The following SPTBN1 variants were observed in gnomAD, a reference collection of about 807,000 sequenced individuals.
SPTBN1 encodes the protein spectrin beta chain, non-erythrocytic 1.
In SPTBN1, 32 loss-of-function variants were observed where a neutral mutation model predicts 266.4. The ratio of observed to expected loss-of-function variants is 0.12; its 90% CI spans 0.09 to 0.16. The LOEUF (loss-of-function observed/expected upper bound fraction) is 0.16. Ranked by LOEUF, SPTBN1 falls within the 10% of genes least tolerant of loss-of-function variation. The probability of loss-of-function intolerance (pLI) is 1.00; values close to 1 mark genes in which losing one functional copy is unlikely to be tolerated. For synonymous variants in SPTBN1, 1,336 were observed against 1,162.2 expected (o/e 1.15, Z -3.04); for missense variants, 2,296 against 3,067.1 (o/e 0.75, Z 5.94).
chr2:54,655,037 C>A, intron 27 of SPTBN1, 33 bp from the exon 28 acceptor site: 1 of 1,578,256 alleles, frequency 6.3e-7, no homozygotes, highest in Non-Finnish European at 8.6e-7. Context: ...AAAGCTTGAT[C>A]TCCTAACGGA....
chr2:54,473,503 G>T (rs868079646), intron 1 of SPTBN1, among the ~76,000 whole-genome samples: 109 of 147,926 alleles, frequency 7.4e-4, no homozygotes, highest in African/African-American at 2.0e-3. Flanking sequence ...CTCCAGTTTT[G>T]TTTTTTTTTT....
intron 1 of SPTBN1, among the ~76,000 whole-genome samples, chr2:54,469,270 G>C (rs1208375119): frequency 6.6e-6 from 1 of 152,166 alleles, no homozygotes; most frequent in East Asian, 1.9e-4. Context: ...TATTTCATTG[G>C]AAGATAAAAA....
In SPTBN1 at chr2:54,558,163, C is replaced by A; in HGVS notation, c.148+31597C>A. 1 of 985,364 alleles carries A rather than the reference C, an allele frequency of 1.0e-6. No individual in the cohort carries two copies. The highest frequency in any genetic ancestry group is 1.1e-4 in the East Asian group (1 of 8,812). 61.0% of individuals were successfully genotyped at this position (985,364 alleles called of 1,614,324 possible). On this transcript the variant is annotated intron_variant, in intron 2 of 35. Transcript: ENST00000356805. The surrounding 1 kb of genome is among the most constrained non-coding windows in gnomAD (Gnocchi z 4.6). ...TGGGAAGGCACTACCGCGGCGAGTC[C>A]AGGGCCCGGCCGGGGGTCGGCGGCT...
At chr2:54,568,594 A>G (rs1267930563) in intron 2 of SPTBN1, among the ~76,000 whole-genome samples, 2 of 152,148 alleles carry the variant, frequency 1.3e-5, no homozygotes, top group Non-Finnish European at 2.9e-5. Context: ...ACTAATTCTG[A>G]GCTTTAGAAG....
chr2:54,616,710 C>T (rs1677640050), intron 5 of SPTBN1, among the ~76,000 whole-genome samples: 1 of 152,136 alleles, frequency 6.6e-6, no homozygotes, highest in African/African-American at 2.4e-5. Context: ...GTGTCAGTTT[C>T]CCTTTTATTT....
intron 1 of SPTBN1, among the ~76,000 whole-genome samples, chr2:54,525,432 A>T (rs968250590): frequency 2.6e-5 from 4 of 151,430 alleles, no homozygotes; most frequent in African/African-American, 9.7e-5. Flanking sequence ...TTTAGTAGTG[A>T]TGGGTTGGTC....
chr2:54,576,719 C>T (rs1299703730), intron 2 of SPTBN1, among the ~76,000 whole-genome samples: 1 of 152,188 alleles, frequency 6.6e-6, no homozygotes, highest in Non-Finnish European at 1.5e-5. Flanking sequence ...TCCACCTGTT[C>T]AATCAATATT....
rs1678230119 is a variant in SPTBN1, at chr2:54,624,976, CA to C, written c.1341+15del. The C allele has an allele frequency of 6.4e-7, 1 of 1,570,468 alleles. No individual in the cohort carries two copies. Among genetic ancestry groups the C allele is most frequent in the African/African-American group, 1.4e-5 (1 of 72,784 alleles). On this transcript the variant is annotated intron_variant, in intron 11 of 35. Transcript: ENST00000356805. The stretch of plus-strand genomic sequence containing the variant: ...CTGGTGTCTCAGGTTCTGCTCTTGA[CA>C]TTATTAAAAAGACTGTTGCTAGGGT...
chr2:54,661,585 A>G, intron 32 of SPTBN1: 1 of 985,868 alleles, frequency 1.0e-6, no homozygotes, highest in Non-Finnish European at 1.2e-6. Flanking sequence ...ATGCATCATT[A>G]TTGGGTCTCT....
intron 2 of SPTBN1, among the ~76,000 whole-genome samples, chr2:54,589,361 G>A (rs1464674099): frequency 6.6e-6 from 1 of 152,152 alleles, no homozygotes. Context: ...CAGAAGTTGT[G>A]CCTGCAGTGC....
chr2:54,556,637 G>C (rs1447252305), intron 2 of SPTBN1, among the ~76,000 whole-genome samples: 3 of 142,880 alleles, frequency 2.1e-5, no homozygotes, highest in African/African-American at 8.1e-5. Flanking sequence ...TCATTGAGAC[G>C]GTTCCCAATT....
intron 2 of SPTBN1, among the ~76,000 whole-genome samples, chr2:54,576,561 C>T (rs192379218): frequency 8.5e-5 from 13 of 152,238 alleles, no homozygotes; most frequent in Non-Finnish European, 1.9e-4. Context: ...CTTATACGCT[C>T]TAGTTGATGC....
intron 18 of SPTBN1, among the ~76,000 whole-genome samples, 179 bp downstream of exon 18, chr2:54,637,982 C>T (rs1462414729): frequency 6.6e-6 from 1 of 152,176 alleles, no homozygotes; most frequent in Non-Finnish European, 1.5e-5. Context: ...CAAGGTACAG[C>T]TTAATTAGAT....
chr2:54,632,845 T>C lies in SPTBN1; in HGVS notation c.3767+77T>C, dbSNP rs1678848027. 2.0e-6 allele frequency: 3 copies of C among 1,508,676 alleles called. No homozygotes were observed. In the South Asian group the frequency reaches 3.7e-5, roughly 18 times the overall value. The allele number at this position is 1,508,676 out of a possible 1,614,324, so 93.5% of individuals were successfully genotyped here. On this transcript the variant is annotated intron_variant, in intron 17 of 35. Transcript: ENST00000356805. ...CTTCTGAATCATTGGCCAGAAGCCCTTGGGAGTTTAGGTATAAATTTCCCA... is the reference window on the plus strand; with the variant it reads ...CTTCTGAATCATTGGCCAGAAGCCCCTGGGAGTTTAGGTATAAATTTCCCA...
intron 9 of SPTBN1, 59 bp downstream of exon 9, chr2:54,622,546 A>T: frequency 6.4e-7 from 1 of 1,568,162 alleles, no homozygotes; most frequent in Non-Finnish European, 8.7e-7. Context: ...TGTAGCCAAC[A>T]GATCCCTATG....
At chr2:54,559,240 C>T (rs1476791515) in intron 2 of SPTBN1, among the ~76,000 whole-genome samples, 1 of 152,120 alleles carries the variant, frequency 6.6e-6, no homozygotes, top group Non-Finnish European at 1.5e-5. Context: ...GGCTCCCAGC[C>T]CCCAGCCTCT....
At chr2:54,456,664 G>C (rs1420783048) in intron 1 of SPTBN1, 146 bp downstream of exon 1, 1 of 151,140 alleles carries the variant, frequency 6.6e-6, no homozygotes, top group African/African-American at 2.4e-5. Flanking sequence ...CCGGGGAGCC[G>C]CGTGGGGGCA....
Position 54,540,060 on chromosome 2 carries a change from A to G in SPTBN1, c.148+13494A>G, listed in dbSNP as rs1454868104. Among the ~76,000 whole-genome samples the G allele has an allele frequency of 2.0e-5, 3 of 152,176 alleles. No individual in the cohort carries two copies. Among genetic ancestry groups the G allele is most frequent in the Non-Finnish European group, 4.4e-5 (3 of 68,022 alleles). On this transcript the variant is annotated intron_variant, in intron 2 of 35. Transcript: ENST00000356805. This position sits in a 1 kb window ranked among gnomAD's most constrained non-coding sequence, Gnocchi z 5.6. The stretch of plus-strand genomic sequence containing the variant: ...CCCTACCATGTGAGAATCTGAGAGG[A>G]TGGCTGTCTGTAAACCAGGAAGAGG...
At chr2:54,647,373 G>A (rs959802356) in intron 24 of SPTBN1, 112 bp downstream of exon 24, 176 of 1,447,494 alleles carry the variant, frequency 1.2e-4, no homozygotes, top group Non-Finnish European at 1.5e-4. Context: ...TTGCTGGTAA[G>A]GCAAATCTTT....
Sources: allele counts gnomAD v4.1 joint callset (sites outside exome capture counted in the v4.1 genomes callset), GRCh38; gene constraint gnomAD v4.1.1; non-coding constraint Gnocchi (gnomAD v3.1); transcripts MANE v1.5; gene names NCBI Gene and HGNC (gene_info 2026-07-23, HGNC 2026-07-21).